The following RAB33A variants were observed in gnomAD, a reference collection of about 807,000 sequenced individuals.
RAB33A encodes the protein ras-related protein Rab-33A.
A neutral mutation model predicts 12.0 loss-of-function variants in RAB33A; 6 were observed. The ratio of observed to expected loss-of-function variants is 0.50; its 90% CI spans 0.27 to 0.99. RAB33A has a LOEUF of 0.99. RAB33A is among the 50% of genes least tolerant of loss of function. The pLI, the probability that RAB33A is intolerant of heterozygous loss-of-function variation, is 0.11. For synonymous variants in RAB33A, 70 were observed against 82.4 expected (o/e 0.85, Z 0.81); for missense variants, 109 against 192.0 (o/e 0.57, Z 2.55).
At chrX:130,135,358 A>G in the RAB33A span, among the ~76,000 whole-genome samples, 1 of 106,658 alleles carries the variant, frequency 9.4e-6, no homozygotes, top group Admixed American at 1.0e-4. Flanking sequence ...AAGTGCTGGG[A>G]TTACAGGTGT....
the RAB33A span, among the ~76,000 whole-genome samples, chrX:130,120,345 GGCCGAGCCGA>G: frequency 5.4e-5 from 6 of 110,721 alleles, no homozygotes; most frequent in South Asian, 2.3e-3. Flanking sequence ...CTCTCATGTC[GGCCGAGCCGA>G]GTCTCAGGCT....
chrX:130,171,994 A>G lies in RAB33A; in HGVS notation c.-69A>G. 9.2e-7 allele frequency: 1 copy of G among 1,089,598 alleles called. No individual in the cohort carries two copies. The highest frequency in any genetic ancestry group is 1.2e-6 in the Non-Finnish European group (1 of 827,728). 89.8% of individuals were successfully genotyped at this position (1,089,598 alleles called of 1,213,427 possible). The stretch of plus-strand genomic sequence containing the variant: ...CACAGAGCTCGCTCGCCTCGAGCGC[A>G]CGAACGTGGACGTTCTCTTTGTGTG... On this transcript the variant is annotated 5_prime_UTR_variant, in exon 1 of 2. Transcript: ENST00000257017.
At chrX:130,146,186 C>A in the RAB33A span, among the ~76,000 whole-genome samples, 1 of 111,501 alleles carries the variant, frequency 9.0e-6, no homozygotes, top group African/African-American at 3.3e-5. Flanking sequence ...GTCTATAACC[C>A]CAGTGCTTTG....
chrX:130,118,806 CTG>C, the RAB33A span, among the ~76,000 whole-genome samples: 2 of 111,001 alleles, frequency 1.8e-5, no homozygotes, highest in Non-Finnish European at 3.8e-5. Context: ...GAGGGCATAA[CTG>C]TGTTCGGGGT....
upstream of RAB33A, among the ~76,000 whole-genome samples, chrX:130,170,369 G>A (rs1471073808): frequency 1.8e-5 from 2 of 112,489 alleles, no homozygotes; most frequent in Non-Finnish European, 3.8e-5. Flanking sequence ...GCTCAACTGT[G>A]CTGTTTGAAT....
At chrX:130,178,926 A>T (rs1415842703) in intron 1 of RAB33A, among the ~76,000 whole-genome samples, 1 of 105,559 alleles carries the variant, frequency 9.5e-6, no homozygotes, top group Non-Finnish European at 1.9e-5. Context: ...TGCTGGGATT[A>T]CAGGCGTGAG....
the RAB33A span, chrX:130,165,770 C>G: frequency 1.6e-6 from 1 of 625,409 alleles, no homozygotes; most frequent in Non-Finnish European, 2.6e-6. Flanking sequence ...GCACATTACG[C>G]AGACTCCTCC....
the RAB33A span, chrX:130,135,918 C>T: frequency 1.1e-6 from 1 of 909,056 alleles, no homozygotes; most frequent in East Asian, 3.1e-5. Flanking sequence ...CTATTCTGTA[C>T]CCTCAGCCTC....
the RAB33A span, among the ~76,000 whole-genome samples, chrX:130,164,169 A>T: frequency 7.0e-3 from 247 of 35,044 alleles, no homozygotes; most frequent in African/African-American, 0.069. Context: ...CTCCGTCTCA[A>T]AAAAAAAAAA....
chrX:130,181,392 T>A (rs781058335), intron 1 of RAB33A, among the ~76,000 whole-genome samples: 1 of 112,167 alleles, frequency 8.9e-6, no homozygotes, highest in African/African-American at 3.2e-5. Flanking sequence ...AGCAGTCAAT[T>A]AGTGGCCATA....
the RAB33A span, chrX:130,147,987 G>T: frequency 7.1e-6 from 7 of 986,689 alleles, no homozygotes; most frequent in Admixed American, 2.2e-5. Context: ...CATAAAGCTA[G>T]CAAAACATAT....
At chrX:130,118,282 A>G in the RAB33A span, among the ~76,000 whole-genome samples, 1 of 112,378 alleles carries the variant, frequency 8.9e-6, no homozygotes, top group African/African-American at 3.2e-5. Context: ...AGGACTAGGG[A>G]TGAGGTAGGA....
At chrX:130,170,536 T>G (rs2031593715), upstream of RAB33A, among the ~76,000 whole-genome samples, 1 of 112,313 alleles carries the variant, frequency 8.9e-6, no homozygotes, top group South Asian at 3.7e-4. Flanking sequence ...CCCAGTAAAG[T>G]CGATTTCAAA....
chrX:130,117,458 T>C, the RAB33A span, among the ~76,000 whole-genome samples: 1 of 110,425 alleles, frequency 9.1e-6, no homozygotes, highest in African/African-American at 3.3e-5. Context: ...AGCTGGGGAG[T>C]GGGCCTGTTG....
the RAB33A span, among the ~76,000 whole-genome samples, chrX:130,164,222 G>C: frequency 9.2e-6 from 1 of 108,756 alleles, no homozygotes; most frequent in Non-Finnish European, 1.9e-5. Context: ...AACAAGCACA[G>C]AGCACCATCA....
At chrX:130,175,431 G>A (rs184536818) in intron 1 of RAB33A, among the ~76,000 whole-genome samples, 3 of 110,698 alleles carry the variant, frequency 2.7e-5, no homozygotes, top group South Asian at 7.6e-4. Flanking sequence ...AAGGCCCCCA[G>A]GAGCCTTTCA....
Position 130,184,863 on chromosome X carries a change from A to G in RAB33A, c.*123A>G. The G allele has an allele frequency of 1.5e-6, 1 of 646,703 alleles. No homozygotes were observed. Among genetic ancestry groups the G allele is most frequent in the Middle Eastern group, 5.1e-4 (1 of 1,949 alleles). 53.3% of individuals were successfully genotyped at this position (646,703 alleles called of 1,213,427 possible). On this transcript the variant is annotated 3_prime_UTR_variant, in exon 2 of 2. Coordinates refer to ENST00000257017, the MANE Select transcript of RAB33A (RefSeq NM_004794.3). ...AAATTGATATCAAAATAAAATTTGT[A>G]TAGATTATCACATGGCTTTTTGTCT... is the stretch of plus-strand genomic sequence containing the variant.
the RAB33A span, among the ~76,000 whole-genome samples, chrX:130,150,573 G>A: frequency 3.8e-5 from 4 of 105,379 alleles, no homozygotes; most frequent in Non-Finnish European, 7.8e-5. Flanking sequence ...CTGACCTCGT[G>A]ATCTGCCCGC....
the RAB33A span, among the ~76,000 whole-genome samples, chrX:130,118,499 C>T: frequency 8.9e-6 from 1 of 112,861 alleles, no homozygotes; most frequent in African/African-American, 3.2e-5. Flanking sequence ...TGCAGCCACT[C>T]TTCAGTTTCC....
Sources: gnomAD v4.1 joint callset for allele counts (sites outside exome capture counted in the v4.1 genomes callset) on GRCh38, gnomAD v4.1.1 for gene constraint, MANE v1.5 for transcripts, NCBI Gene and HGNC (gene_info 2026-07-23, HGNC 2026-07-21) for gene names.